Variants in GATA6 observed in about 807,000 individuals in gnomAD.
GATA6 encodes GATA binding protein 6, also known as transcription factor GATA-6.
GATA6 carries 11 observed loss-of-function variants against 48.1 expected under a neutral mutation model. That is an observed-to-expected ratio of 0.23 (90% confidence interval 0.14 to 0.38). The LOEUF (loss-of-function observed/expected upper bound fraction) is 0.38, where lower values mean the gene tolerates loss of function less well. GATA6 is among the 10% of genes least tolerant of loss of function. The pLI, the probability that GATA6 is intolerant of heterozygous loss-of-function variation, is 1.00. For missense variants in GATA6, 795 were observed against 850.3 expected, an observed-to-expected ratio of 0.93 and a Z score of 0.81; for synonymous variants, 419 against 396.1, an observed-to-expected ratio of 1.06 and a Z score of -0.69.
chr18:22,191,590 G>T (rs1458590249), intron 6 of GATA6, among the ~76,000 whole-genome samples: 4 of 152,130 alleles, frequency 2.6e-5, no homozygotes, highest in Non-Finnish European at 5.9e-5. Context: ...AGATCCAGTG[G>T]ATATGAATTA....
intron 6 of GATA6, among the ~76,000 whole-genome samples, chr18:22,199,017 T>C (rs1042153890): frequency 2.0e-5 from 3 of 152,148 alleles, no homozygotes; most frequent in Admixed American, 1.3e-4. Context: ...AGTGGTTACC[T>C]GTGGAGGGGT....
intron 5 of GATA6, 23 bp from the exon 6 acceptor site, chr18:22,182,917 A>T (rs1386366698): frequency 1.9e-6 from 3 of 1,605,610 alleles, no homozygotes; most frequent in Non-Finnish European, 2.6e-6. Flanking sequence ...GTATATTTAT[A>T]AGGTTTATTT....
At position 22,170,896 on chromosome 18, in the gene GATA6, C is replaced by A. The variant is rs1203669127; in HGVS notation, c.-37-212C>A. On this transcript the variant is annotated intron_variant, in intron 1 of 6. Coordinates refer to ENST00000269216, the MANE Select transcript of GATA6 (RefSeq NM_005257.6). The surrounding 1 kb of genome is among the most constrained non-coding windows in gnomAD (Gnocchi z 6.7). The stretch of plus-strand genomic sequence containing the variant: ...GGCTGGTATCCCAGCCCTTCCAGGG[C>A]CCTGTGGCGGCTGCGCAGGCTCCCT... The A allele has an allele frequency of 1.4e-5, 8 of 576,104 alleles. No individual in the cohort carries two copies. The highest frequency in any genetic ancestry group is 3.8e-5 in the African/African-American group (2 of 52,960). 35.7% of individuals were successfully genotyped at this position (576,104 alleles called of 1,614,324 possible).
At chr18:22,197,419 G>A (rs2033404934) in intron 6 of GATA6, among the ~76,000 whole-genome samples, 1 of 152,144 alleles carries the variant, frequency 6.6e-6, no homozygotes. Context: ...TTATAGGTGT[G>A]GAAACTGAGG....
intron 6 of GATA6, among the ~76,000 whole-genome samples, chr18:22,190,070 G>A (rs1202380506): frequency 6.6e-6 from 1 of 152,152 alleles, no homozygotes; most frequent in East Asian, 1.9e-4. Context: ...AAGAAAGAAT[G>A]TTTTCTTAAA....
In GATA6 at chr18:22,179,183, C is replaced by A. The variant is rs532740451; in HGVS notation, c.1302+2062C>A. ...TTTGTAAATGGGTTATAAATGATAC[C>A]AATTGAAGGGTGTGTCACTATCAAT... On this transcript the variant is annotated intron_variant, in intron 3 of 6. Transcript: ENST00000269216. 7.9e-5 allele frequency among the ~76,000 whole-genome samples: 12 copies of A among 152,246 alleles called. No individual in the cohort carries two copies. The South Asian group carries it at 1.2e-3, about 16-fold the overall frequency.
At position 22,171,095 on chromosome 18, in the gene GATA6, C is replaced by T. The variant is rs569785771; in HGVS notation, c.-37-13C>T. On this transcript the variant is annotated splice_polypyrimidine_tract_variant and intron_variant, in intron 1 of 6. Coordinates refer to ENST00000269216, the MANE Select transcript of GATA6 (RefSeq NM_005257.6). This position sits in a 1 kb window ranked among gnomAD's most constrained non-coding sequence, Gnocchi z 7.1. The stretch of plus-strand genomic sequence containing the variant: ...GATCTCCTACCATACCCGTCTCCCC[C>T]ACCCCACCTCAGGAGCTAGACGTCA... 3.9e-6 allele frequency: 6 copies of T among 1,538,132 alleles called. No homozygotes were observed. The highest frequency in any genetic ancestry group is 4.5e-5 in the East Asian group (2 of 44,340).
chr18:22,184,821 G>A (rs373612323), intron 6 of GATA6, among the ~76,000 whole-genome samples: 57 of 152,162 alleles, frequency 3.7e-4, no homozygotes, highest in African/African-American at 5.8e-4. Flanking sequence ...TTATTATGCC[G>A]TAGTCCTCAG....
At chr18:22,187,590 GT>G (rs11357737) in intron 6 of GATA6, among the ~76,000 whole-genome samples, 6,082 of 151,186 alleles carry the variant, frequency 0.04, 384 homozygotes, top group African/African-American at 0.13. Flanking sequence ...GTATTTTATA[GT>G]TTTTTTTGGT....
intron 6 of GATA6, among the ~76,000 whole-genome samples, chr18:22,197,018 C>T (rs1298592482): frequency 2.0e-5 from 3 of 151,512 alleles, no homozygotes; most frequent in African/African-American, 7.3e-5. Flanking sequence ...GTAGCTTATA[C>T]TGACATAATC....
chr18:22,191,118 A>ATTGTG (rs1193851714), intron 6 of GATA6, among the ~76,000 whole-genome samples: 8 of 151,202 alleles, frequency 5.3e-5, no homozygotes, highest in Non-Finnish European at 1.0e-4. Context: ...ATTGTGTGCT[A>ATTGTG]CATCAATATC....
intron 2 of GATA6, among the ~76,000 whole-genome samples, chr18:22,174,752 C>T (rs1329174639): frequency 2.6e-5 from 4 of 151,034 alleles, no homozygotes; most frequent in Non-Finnish European, 4.4e-5. Flanking sequence ...TTAAACAAAC[C>T]GTTTTTGGAG....
chr18:22,181,921 T>G (rs989958698), intron 4 of GATA6, among the ~76,000 whole-genome samples: 2 of 151,028 alleles, frequency 1.3e-5, no homozygotes, highest in East Asian at 3.8e-4. Context: ...GTAGTAACTG[T>G]TTTTAAAAAT....
At chr18:22,193,347 T>A (rs1363296126) in intron 6 of GATA6, among the ~76,000 whole-genome samples, 1 of 152,232 alleles carries the variant, frequency 6.6e-6, no homozygotes, top group Non-Finnish European at 1.5e-5. Context: ...GGTCCTCTGT[T>A]ACCTCCAGCC....
chr18:22,187,749 T>G (rs1417812794), intron 6 of GATA6, among the ~76,000 whole-genome samples: 1 of 152,096 alleles, frequency 6.6e-6, no homozygotes, highest in African/African-American at 2.4e-5. Context: ...ATCCCCAAAT[T>G]TTATAGATAA....
At chr18:22,192,195 T>C (rs57350531) in intron 6 of GATA6, among the ~76,000 whole-genome samples, 2,090 of 152,278 alleles carry the variant, frequency 0.014, 43 homozygotes, top group African/African-American at 0.048. Flanking sequence ...CTGCCAAGGT[T>C]CTGTAAAGCC....
intron 6 of GATA6, among the ~76,000 whole-genome samples, chr18:22,194,946 A>G (rs146358463): frequency 0.015 from 2,358 of 152,222 alleles, 57 homozygotes; most frequent in African/African-American, 0.054. Flanking sequence ...CAGGCGGATC[A>G]CTTGAGGTCA....
At chr18:22,192,049 T>A (rs549475269) in intron 6 of GATA6, among the ~76,000 whole-genome samples, 2 of 152,214 alleles carry the variant, frequency 1.3e-5, no homozygotes, top group Non-Finnish European at 2.9e-5. Flanking sequence ...TCTCATTAAA[T>A]TTAGTTGCTT....
intron 6 of GATA6, among the ~76,000 whole-genome samples, chr18:22,192,766 T>TA (rs571029108): frequency 5.3e-5 from 8 of 152,230 alleles, no homozygotes; most frequent in Non-Finnish European, 1.0e-4. Flanking sequence ...GCTTTTTCTT[T>TA]AGGGTCCTCA....
Sources: allele counts gnomAD v4.1 joint callset (sites outside exome capture counted in the v4.1 genomes callset), GRCh38; gene constraint gnomAD v4.1.1; non-coding constraint Gnocchi (gnomAD v3.1); transcripts MANE v1.5; gene names NCBI Gene and HGNC (gene_info 2026-07-23, HGNC 2026-07-21).